The following VCAN variants were observed in gnomAD, a reference collection of about 807,000 sequenced individuals.
VCAN encodes versican core protein.
In VCAN, 44 loss-of-function variants were observed where a neutral mutation model predicts 245.5. The ratio of observed to expected loss-of-function variants is 0.18; its 90% CI spans 0.14 to 0.23. VCAN has a LOEUF of 0.23. Ranked by LOEUF, VCAN falls within the 10% of genes least tolerant of loss-of-function variation. The pLI, the probability that VCAN is intolerant of heterozygous loss-of-function variation, is 1.00. For missense variants in VCAN, 3,793 were observed against 4,057.9 expected (o/e 0.93, Z 1.77); for synonymous variants, 1,413 against 1,437.0 (o/e 0.98, Z 0.38).
Position 83,541,081 on chromosome 5 carries a change from T to C in VCAN, c.8078T>C (p.Leu2693Pro), listed in dbSNP as rs1236261308. Residue 2693 changes from leucine (L) to proline (P), a missense_variant, in exon 8 of 15, where the codon CTG becomes CCG. Transcript: ENST00000265077. ...GTTTTACTTCCCACGGCAACATCCC[T>C]GCCAATTCCTCGTAAGTCTGCCACA... ...LDVLLPTATS[L>P]PIPRKSATVI... 3 of 1,614,074 alleles carry C rather than the reference T, an allele frequency of 1.9e-6. No individual in the cohort carries two copies. Among genetic ancestry groups the C allele is most frequent in the South Asian group, 2.2e-5 (2 of 91,082 alleles).
intron 7 of VCAN, among the ~76,000 whole-genome samples, chr5:83,527,363 T>C (rs914908600): frequency 1.3e-5 from 2 of 152,198 alleles, no homozygotes; most frequent in African/African-American, 4.8e-5. Flanking sequence ...CGTGGTTCCT[T>C]TTCCTGAGCT....
At chr5:83,513,666 C>G (rs529732129) in intron 6 of VCAN, among the ~76,000 whole-genome samples, 1 of 152,300 alleles carries the variant, frequency 6.6e-6, no homozygotes, top group African/African-American at 2.4e-5. Flanking sequence ...CCTGAAACAA[C>G]AGAATTCTTC....
chr5:83,544,347 A>G (rs1747118912), intron 8 of VCAN, among the ~76,000 whole-genome samples: 1 of 152,216 alleles, frequency 6.6e-6, no homozygotes, highest in African/African-American at 2.4e-5. Flanking sequence ...GGGAATGTGT[A>G]CCTATCCAGG....
intron 13 of VCAN, among the ~76,000 whole-genome samples, chr5:83,575,852 C>T (rs1044025322): frequency 3.3e-5 from 5 of 152,058 alleles, no homozygotes; most frequent in Admixed American, 3.3e-4. Context: ...AATACTGGTT[C>T]TACCTCATTA....
chr5:83,530,305 A>C (rs1275431030), intron 7 of VCAN, among the ~76,000 whole-genome samples: 3 of 152,170 alleles, frequency 2.0e-5, no homozygotes, highest in African/African-American at 7.2e-5. Context: ...GCATATTTAT[A>C]GAATGAATGG....
Position 83,538,012 on chromosome 5 carries a change from C to G in VCAN, c.5009C>G (p.Thr1670Ser). ...SQRNTTDTLI[T>S]LDTSRIITES... ...AGAAATACTACTGATACACTCATTA[C>G]TTTAGACACTAGCAGGATAATCACA... The change falls in exon 8 of 15, where the codon ACT (threonine) becomes AGT (serine). Residue 1670 changes from threonine (T) to serine (S), a missense_variant. This residue lies in a region of VCAN where 3,182 missense variants were observed against 3,250.3 expected (regional missense o/e 0.98). Transcript: ENST00000265077. 1 of 1,614,034 alleles carries G rather than the reference C, an allele frequency of 6.2e-7. No individual in the cohort carries two copies. Among genetic ancestry groups the G allele is most frequent in the Non-Finnish European group, 8.5e-7 (1 of 1,179,964 alleles).
At chr5:83,528,277 C>T (rs373101260) in intron 7 of VCAN, among the ~76,000 whole-genome samples, 4 of 152,278 alleles carry the variant, frequency 2.6e-5, no homozygotes, top group African/African-American at 4.8e-5. Context: ...AGGAGACTTA[C>T]GTCAGTCTCT....
intron 12 of VCAN, among the ~76,000 whole-genome samples, chr5:83,568,978 A>G (rs925290643): frequency 3.3e-5 from 5 of 152,132 alleles, no homozygotes; most frequent in African/African-American, 7.2e-5. Context: ...GATCATTATA[A>G]TGTAATAATT....
chr5:83,509,020 C>A (rs932320989), intron 5 of VCAN, among the ~76,000 whole-genome samples: 22 of 146,770 alleles, frequency 1.5e-4, no homozygotes, highest in Admixed American at 3.5e-4. Context: ...TAGCAAGACT[C>A]TATCTTTTTT....
intron 1 of VCAN, among the ~76,000 whole-genome samples, chr5:83,475,423 AC>A (rs1427178679): frequency 6.6e-6 from 1 of 152,232 alleles, no homozygotes; most frequent in Non-Finnish European, 1.5e-5. Context: ...GAAAGCTGTG[AC>A]CTAATTGTTT....
intron 5 of VCAN, among the ~76,000 whole-genome samples, chr5:83,497,737 T>C (rs1410195061): frequency 6.6e-6 from 1 of 152,166 alleles, no homozygotes; most frequent in East Asian, 1.9e-4. Flanking sequence ...GGTTTTAAGG[T>C]AGAGTTGAGA....
chr5:83,529,190 T>C (rs310509), intron 7 of VCAN, among the ~76,000 whole-genome samples: 11,864 of 152,050 alleles, frequency 0.078, 931 homozygotes, highest in East Asian at 0.28. Flanking sequence ...TAGTTTGCTT[T>C]GTAGGATACA....
Position 83,540,443 on chromosome 5 carries a change from T to C in VCAN, c.7440T>C (p.Asp2480=), listed in dbSNP as rs1413827352. The change falls in exon 8 of 15, where the codon GAT becomes GAC. Residue 2480 remains aspartate, a synonymous_variant. Transcript: ENST00000265077. ...CAAGCGCTAAAGCTGTTACTGCTGA[T>C]GGATTCCCAACAGTTTCAGTGATGC... ...EVPSAKAVTA[D]GFPTVSVMLP... 6.2e-7 allele frequency: 1 copy of C among 1,613,920 alleles called. No individual in the cohort carries two copies. The highest frequency in any genetic ancestry group is 8.5e-7 in the Non-Finnish European group (1 of 1,179,964).
At chr5:83,524,303 C>T (rs572495884) in intron 7 of VCAN, among the ~76,000 whole-genome samples, 4 of 152,190 alleles carry the variant, frequency 2.6e-5, no homozygotes, top group East Asian at 1.9e-4. Flanking sequence ...ACCTGGGAGA[C>T]GTATATAGGT....
intron 5 of VCAN, among the ~76,000 whole-genome samples, chr5:83,498,704 CCTGAATTCTTTT>C (rs1745239149): frequency 6.6e-6 from 1 of 152,148 alleles, no homozygotes; most frequent in South Asian, 2.1e-4. Flanking sequence ...ATGTTTAGCT[CCTGAATTCTTTT>C]CTGAATTTCA....
chr5:83,573,043 G>A (rs866831461), intron 13 of VCAN, among the ~76,000 whole-genome samples: 4 of 151,710 alleles, frequency 2.6e-5, no homozygotes, highest in Non-Finnish European at 4.4e-5. Flanking sequence ...GGGACTACAG[G>A]CGTGCACCAT....
At chr5:83,503,530 C>A (rs1037625445) in intron 5 of VCAN, among the ~76,000 whole-genome samples, 1 of 152,102 alleles carries the variant, frequency 6.6e-6, no homozygotes, top group Non-Finnish European at 1.5e-5. Flanking sequence ...GAACAAAAAA[C>A]CAAAAGAGCA....
At position 83,540,970 on chromosome 5, in the gene VCAN, C is replaced by T. The variant is rs150166604; in HGVS notation, c.7967C>T (p.Thr2656Ile). 2.0e-5 allele frequency: 33 copies of T among 1,613,982 alleles called. No homozygotes were observed. In the African/African-American group the frequency reaches 3.9e-4, roughly 19 times the overall value. Residue 2656 changes from threonine to isoleucine, a missense_variant, in exon 8 of 15, where the codon ACT becomes ATT. Transcript: ENST00000265077. The part of the protein sequence containing the change: ...YTQATHDESM[T>I]YEDRSQLDHM... ...CAGGCAACACATGATGAATCAATGA[C>T]TTATGAAGATAGAAGCCAACTAGAT...
Position 83,548,612 on chromosome 5 carries a change from A to G in VCAN, c.9493+528A>G, listed in dbSNP as rs139064906. On this transcript the variant is annotated intron_variant, in intron 10 of 14. Coordinates refer to ENST00000265077, the MANE Select transcript of VCAN (RefSeq NM_004385.5). ...CTTTTTCTGAATGAAAGAAAGCCCT[A>G]TGTTCATGATGGCTTGAATCTCATG... Among the ~76,000 whole-genome samples the G allele has an allele frequency of 1.3e-3, 191 of 152,334 alleles. 1 individual carries two copies. In the Middle Eastern group the frequency reaches 0.027, roughly 22 times the overall value.
Sources: gnomAD v4.1 joint callset for allele counts (sites outside exome capture counted in the v4.1 genomes callset) on GRCh38, gnomAD v4.1.1 for gene constraint, gnomAD v4.1.1 regional missense constraint, MANE v1.5 for transcripts, NCBI Gene and HGNC (gene_info 2026-07-23, HGNC 2026-07-21) for gene names.